The following VSIG10L variants were observed in gnomAD, a reference collection of about 807,000 sequenced individuals.
VSIG10L encodes the protein V-set and immunoglobulin domain-containing protein 10-like.
VSIG10L carries 63 observed loss-of-function variants against 67.3 expected under a neutral mutation model. That is an observed-to-expected ratio of 0.94 (90% CI 0.76 to 1.15). The LOEUF is 1.15. Ranked by LOEUF, VSIG10L falls within the 50% of genes most tolerant of loss-of-function variation. The pLI is 0.00. For synonymous variants in VSIG10L, 499 were observed against 524.9 expected, an observed-to-expected ratio of 0.95 and a Z score of 0.67; for missense variants, 1,050 against 1,177.5, an observed-to-expected ratio of 0.89 and a Z score of 1.58.
At position 51,341,221 on chromosome 19, in the gene VSIG10L, A is replaced by AC. The variant is rs1599835405; in HGVS notation, c.826dup (p.Val276GlyfsTer5). On this transcript the variant is annotated frameshift_variant, in exon 2 of 10. Coordinates refer to ENST00000335624, the MANE Select transcript of VSIG10L (RefSeq NM_001163922.3). LOFTEE classifies it high-confidence loss of function. ...TGCCCGGATGACCTCAGCCGTGTAG[A>AC]CCCCTGCATCGTCCAGCTGGGCAGA... is the stretch of plus-strand genomic sequence containing the variant. The AC allele has an allele frequency of 3.2e-6, 5 of 1,549,394 alleles. No individual in the cohort carries two copies. The highest frequency in any genetic ancestry group is 4.4e-6 in the Non-Finnish European group (5 of 1,146,576).
rs1276703632 is a variant in VSIG10L, at chr19:51,331,587, AC to A, written c.*1023del. The A allele has an allele frequency of 6.6e-6, 1 of 152,168 alleles. No individual in the cohort carries two copies. The highest frequency in any genetic ancestry group is 1.9e-4 in the East Asian group (1 of 5,200). 9.4% of individuals were successfully genotyped at this position (152,168 alleles called of 1,614,324 possible). Reference sequence around the variant, plus strand: ...GTTACTTGCAGTCAAAAGAATCCTCACCAATGCACTCTCTAAATTCTCAATT... The same window carrying A: ...GTTACTTGCAGTCAAAAGAATCCTCACAATGCACTCTCTAAATTCTCAATT... On this transcript the variant is annotated 3_prime_UTR_variant, in exon 10 of 10. Coordinates refer to ENST00000335624, the MANE Select transcript of VSIG10L (RefSeq NM_001163922.3).
At position 51,338,195 on chromosome 19, in the gene VSIG10L, C is replaced by T. The variant is rs920518333; in HGVS notation, c.1743G>A (p.Glu581=). 6 of 1,474,112 alleles carry T rather than the reference C, an allele frequency of 4.1e-6. No individual in the cohort carries two copies. In the African/African-American group the frequency reaches 5.7e-5, roughly 14 times the overall value. 91.3% of individuals were successfully genotyped at this position (1,474,112 alleles called of 1,614,324 possible). The change falls in exon 6 of 10, where the codon GAG becomes GAA. Residue 581 remains glutamate, a synonymous_variant. Coordinates refer to ENST00000335624, the MANE Select transcript of VSIG10L (RefSeq NM_001163922.3). ...TCTVTPEAPR[E]VLLHPLVAET... ...CTGCCACCAGCGGATGCAGCAGCAC[C>T]TCTCGGGGGGCCTCTGCCGGTGGGA...
Position 51,341,880 on chromosome 19 carries a change from T to C in VSIG10L, c.168A>G (p.Lys56=). The C allele has an allele frequency of 2.6e-6, 4 of 1,551,222 alleles. No homozygotes were observed. The highest frequency in any genetic ancestry group is 3.5e-6 in the Non-Finnish European group (4 of 1,146,906). ...GATCTGGAACTTTCCAGCTGGGAGG[T>C]TTGATGGAGGGAACTTCCACACCCA... The part of the protein sequence containing the change: ...QGLGVEVPSI[K]PPSWKVPDQF... The change falls in exon 2 of 10, where the codon AAA becomes AAG. Residue 56 remains lysine, a synonymous_variant. Coordinates refer to ENST00000335624, the MANE Select transcript of VSIG10L (RefSeq NM_001163922.3).
chr19:51,333,108 C>T (rs1304541980), intron 9 of VSIG10L, among the ~76,000 whole-genome samples: 1 of 152,134 alleles, frequency 6.6e-6, no homozygotes, highest in Non-Finnish European at 1.5e-5. Flanking sequence ...CCTCAACCAC[C>T]CGAAGTGCTG....
In VSIG10L at chr19:51,332,628, C is replaced by G; in HGVS notation, c.2587G>C (p.Val863Leu). 7.1e-7 allele frequency: 1 copy of G among 1,399,388 alleles called. No homozygotes were observed. The highest frequency in any genetic ancestry group is 1.3e-5 in the South Asian group (1 of 79,224). The allele number at this position is 1,399,388 out of a possible 1,614,324, so 86.7% of individuals were successfully genotyped here. The change falls in exon 10 of 10, where the codon GTT (valine) becomes CTT (leucine). Residue 863 changes from valine (V) to leucine (L), a missense_variant. Val to Leu is a conservative substitution (Grantham distance 32). Transcript: ENST00000335624. ...STRAYQAQTP[V>L]QLSL ...GCCTCCGCCTACAGAGACAACTGAA[C>G]TGGGGTCTGTGCCTGGAAGAGAGAG...
Position 51,337,982 on chromosome 19 carries a change from G to A in VSIG10L, c.1956C>T (p.Ser652=), listed in dbSNP as rs1985527965. 2.6e-6 allele frequency: 4 copies of A among 1,551,534 alleles called. No individual in the cohort carries two copies. Among genetic ancestry groups the A allele is most frequent in the African/African-American group, 1.4e-5 (1 of 73,022 alleles). The change falls in exon 6 of 10, where the codon TCC becomes TCT. Residue 652 remains serine, a synonymous_variant. Coordinates refer to ENST00000335624, the MANE Select transcript of VSIG10L (RefSeq NM_001163922.3). ...FSLDWDLGNY[S]VLCSGALGAG... is the part of the protein sequence containing the mutation. ...CACCCAGCGCCCCACTGCACAGCAC[G>A]GAGTAATTTCCCAGGTCCCAATCCA...
Position 51,341,425 on chromosome 19 carries a change from C to T in VSIG10L, c.623G>A (p.Arg208Gln), listed in dbSNP as rs111611570. 34 of 1,532,832 alleles carry T rather than the reference C, an allele frequency of 2.2e-5. 1 individual carries two copies. The highest frequency in any genetic ancestry group is 6.9e-5 in the African/African-American group (5 of 72,414). 95.0% of individuals were successfully genotyped at this position (1,532,832 alleles called of 1,614,324 possible). ...PLAVLVGTTI[R>Q]LPLVPIPNPG... ...GTTGGGGATTGGGACTAGGGGGAGC[C>T]GGATGGTGGTCCCCACCAGCACAGC... The change falls in exon 2 of 10, where the codon CGG becomes CAG. Residue 208 changes from arginine (R) to glutamine (Q), a missense_variant. By Grantham distance (43) the Arg-to-Gln change is conservative. Coordinates refer to ENST00000335624, the MANE Select transcript of VSIG10L (RefSeq NM_001163922.3).
At chr19:51,339,864 C>G (rs1267946898) in intron 4 of VSIG10L, 151 bp downstream of exon 4, 3 of 1,003,640 alleles carry the variant, frequency 3.0e-6, no homozygotes, top group Non-Finnish European at 2.6e-6. Context: ...TATCCCAGCT[C>G]CTTCTTGGTG....
In VSIG10L at chr19:51,341,904, C is replaced by T; in HGVS notation, c.144G>A (p.Leu48=). 2 of 1,551,694 alleles carry T rather than the reference C, an allele frequency of 1.3e-6. No individual in the cohort carries two copies. Among genetic ancestry groups the T allele is most frequent in the Non-Finnish European group, 1.7e-6 (2 of 1,146,992 alleles). The change falls in exon 2 of 10, where the codon CTG becomes CTA. Residue 48 remains leucine (L), a synonymous_variant. Coordinates refer to ENST00000335624, the MANE Select transcript of VSIG10L (RefSeq NM_001163922.3). ...GTTTGATGGAGGGAACTTCCACACCCAGCCCCTGGGAAGAGCTCTTTGAGT... is the reference window on the plus strand; with the variant it reads ...GTTTGATGGAGGGAACTTCCACACCTAGCCCCTGGGAAGAGCTCTTTGAGT... ...SSDSKSSSQG[L]GVEVPSIKPP...
In VSIG10L at chr19:51,340,372, G is replaced by A; in HGVS notation, c.1189+61C>T. ...CGCCGCTAGGACTCCCGGAGACTGG[G>A]TCCCCAGCCCGCTTCTCCCCAAGGA... is the stretch of plus-strand genomic sequence containing the variant. On this transcript the variant is annotated intron_variant, in intron 3 of 9. Transcript: ENST00000335624. This position sits in a 1 kb window ranked among gnomAD's most constrained non-coding sequence, Gnocchi z 6.3. The A allele has an allele frequency of 1.4e-6, 2 of 1,461,098 alleles. No individual in the cohort carries two copies. The highest frequency in any genetic ancestry group is 1.8e-6 in the Non-Finnish European group (2 of 1,105,898). The allele number at this position is 1,461,098 out of a possible 1,614,324, so 90.5% of individuals were successfully genotyped here. A position where few individuals can be genotyped will look rare whatever the true frequency, so the allele number is the denominator to read the frequency against.
Position 51,338,053 on chromosome 19 carries a change from G to T in VSIG10L, c.1885C>A (p.Arg629=), listed in dbSNP as rs777439173. Residue 629 remains arginine (R), a synonymous_variant, in exon 6 of 10, where the codon CGG becomes AGG. Coordinates refer to ENST00000335624, the MANE Select transcript of VSIG10L (RefSeq NM_001163922.3). ...AGTTTCCGCCCATCTTGACTGAGCC[G>T]CAGGCGACTCCCGCCTCCTGGAGCC... ...PLAPGGGSRL[R]LSQDGRKLHI... is the part of the protein sequence containing the mutation. 4.5e-6 allele frequency: 7 copies of T among 1,551,604 alleles called. No homozygotes were observed. Among genetic ancestry groups the T allele is most frequent in the Non-Finnish European group, 3.5e-6 (4 of 1,146,964 alleles).
chr19:51,332,706 G>A (rs1985387899), intron 9 of VSIG10L, 66 bp from the exon 10 acceptor site: 14 of 1,433,628 alleles, frequency 9.8e-6, no homozygotes, highest in East Asian at 5.1e-5. Context: ...TAACTCACCC[G>A]CCTAACTTTT....
Position 51,334,096 on chromosome 19 carries a change from C to A in VSIG10L, c.2419+95G>T, listed in dbSNP as rs887239536. The stretch of plus-strand genomic sequence containing the variant: ...GGAGGGCAGGATGGATGACCTATGA[C>A]GGCACTGATTGCCTCAGCCAGGTCT... On this transcript the variant is annotated intron_variant, in intron 8 of 9. Transcript: ENST00000335624. 4.8e-6 allele frequency: 7 copies of A among 1,463,274 alleles called. No homozygotes were observed. The East Asian group carries it at 1.7e-4, about 36-fold the overall frequency. 90.6% of individuals were successfully genotyped at this position (1,463,274 alleles called of 1,614,324 possible). A position where few individuals can be genotyped will look rare whatever the true frequency, so the allele number is the denominator to read the frequency against.
chr19:51,340,274 C>A lies in VSIG10L; in HGVS notation c.1215G>T (p.Thr405=). The change falls in exon 4 of 10, where the codon ACG becomes ACT. Residue 405 remains threonine (T), a synonymous_variant. Transcript: ENST00000335624. The surrounding 1 kb of genome is among the most constrained non-coding windows in gnomAD (Gnocchi z 6.3). Reference sequence around the variant, plus strand: ...GCGCGGCGTCGCGGTCCGAGGAGACCGTGATGGTCGGCGGGTCCGGGCCGT... The same window carrying A: ...GCGCGGCGTCGCGGTCCGAGGAGACAGTGATGGTCGGCGGGTCCGGGCCGT... ...VFYGPDPPTI[T]VSSDRDAAPA... is the part of the protein sequence containing the mutation. The A allele has an allele frequency of 6.6e-7, 1 of 1,519,198 alleles. No individual in the cohort carries two copies. The highest frequency in any genetic ancestry group is 8.8e-7 in the Non-Finnish European group (1 of 1,140,204). 94.1% of individuals were successfully genotyped at this position (1,519,198 alleles called of 1,614,324 possible).
rs1468888669 is a variant in VSIG10L, at chr19:51,341,738, A to C, written c.310T>G (p.Leu104Val). 7 of 1,551,690 alleles carry C rather than the reference A, an allele frequency of 4.5e-6. No individual in the cohort carries two copies. The South Asian group carries it at 8.3e-5, about 18-fold the overall frequency. Residue 104 changes from leucine (L) to valine (V), a missense_variant, in exon 2 of 10, where the codon TTG becomes GTG. Transcript: ENST00000335624. ...TCAGAGAAGGGGGAAACCGGGCTCA[A>C]ATCTTGGCCCTCAGCAGAAACATTT... ...WSNVSAEGQD[L>V]SPVSPFSETP... is the part of the protein sequence containing the mutation.
At position 51,341,583 on chromosome 19, in the gene VSIG10L, A is replaced by G. The variant is rs954487340; in HGVS notation, c.465T>C (p.Ser155=). 4 of 1,551,708 alleles carry G rather than the reference A, an allele frequency of 2.6e-6. No individual in the cohort carries two copies. The highest frequency in any genetic ancestry group is 1.7e-4 in the Middle Eastern group (1 of 5,992). ...ISTQVSHTKL[S]VEAPDSKFSP... ...AGAATTTTGAATCTGGGGCCTCAACAGACAGTTTGGTATGGGAGACTTGAG... is the reference window on the plus strand; with the variant it reads ...AGAATTTTGAATCTGGGGCCTCAACGGACAGTTTGGTATGGGAGACTTGAG... Residue 155 remains serine, a synonymous_variant, in exon 2 of 10, where the codon TCT becomes TCC. Transcript: ENST00000335624.
In VSIG10L at chr19:51,337,225, A is replaced by G. The variant is rs372449461; in HGVS notation, c.2305+13T>C. ...CACAACAGAGAAGGTCTACTCTGAC[A>G]GCCCCAACTCACCGGCCCGGTAGAC... On this transcript the variant is annotated intron_variant, in intron 7 of 9. Transcript: ENST00000335624. 1.3e-6 allele frequency: 2 copies of G among 1,538,270 alleles called. No homozygotes were observed. Among genetic ancestry groups the G allele is most frequent in the African/African-American group, 2.7e-5 (2 of 72,774 alleles).
chr19:51,334,583 C>T (rs549625413), intron 7 of VSIG10L, among the ~76,000 whole-genome samples: 55 of 152,306 alleles, frequency 3.6e-4, no homozygotes, highest in African/African-American at 1.3e-3. Flanking sequence ...GGAGAGAAGA[C>T]ATAAATAAAT....
chr19:51,334,176 A>C lies in VSIG10L; in HGVS notation c.2419+15T>G. 4.5e-6 allele frequency: 7 copies of C among 1,551,414 alleles called. No individual in the cohort carries two copies. Among genetic ancestry groups the C allele is most frequent in the Non-Finnish European group, 6.1e-6 (7 of 1,146,732 alleles). On this transcript the variant is annotated intron_variant, in intron 8 of 9. Coordinates refer to ENST00000335624, the MANE Select transcript of VSIG10L (RefSeq NM_001163922.3). ...CGTTGGTCATGGTTGCCCCTTCCCC[A>C]GTCCCCTTGCTCACCACGAAAGCGG...
Sources: allele counts gnomAD v4.1 joint callset (sites outside exome capture counted in the v4.1 genomes callset), GRCh38; gene constraint gnomAD v4.1.1; non-coding constraint Gnocchi (gnomAD v3.1); transcripts MANE v1.5; gene names NCBI Gene and HGNC (gene_info 2026-07-23, HGNC 2026-07-21).